The following WWOX variants were observed in gnomAD, a reference collection of about 807,000 sequenced individuals.
WWOX encodes WW domain-containing oxidoreductase.
Under a neutral mutation model 46.2 loss-of-function variants are expected in WWOX, and 69 were observed. That is an observed-to-expected ratio of 1.49 (90% confidence interval 1.23 to 1.82). WWOX has a LOEUF of 1.82. Among genes scored for constraint, WWOX ranks in the 40% most tolerant of loss-of-function variants. The pLI is 0.00. For missense variants in WWOX, 919 were observed against 542.6 expected (o/e 1.69, Z -6.89); for synonymous variants, 359 against 202.6 (o/e 1.77, Z -6.56).
intron 8 of WWOX, among the ~76,000 whole-genome samples, chr16:79,186,140 A>G (rs1378123848): frequency 6.6e-6 from 1 of 152,130 alleles, no homozygotes; most frequent in Non-Finnish European, 1.5e-5. Flanking sequence ...TTCCTAAAGG[A>G]TACATCCAGG....
intron 8 of WWOX, among the ~76,000 whole-genome samples, chr16:79,184,140 T>C (rs28515196): frequency 0.03 from 4,604 of 152,236 alleles, 209 homozygotes; most frequent in African/African-American, 0.1. Context: ...TCTGAATGGA[T>C]TGTAAATTAA....
intron 8 of WWOX, among the ~76,000 whole-genome samples, chr16:79,181,163 C>T (rs996525232): frequency 5.3e-5 from 8 of 152,172 alleles, no homozygotes; most frequent in African/African-American, 1.9e-4. Flanking sequence ...ATTATACATG[C>T]ACTATAGGAG....
intron 7 of WWOX, among the ~76,000 whole-genome samples, chr16:78,428,334 C>T (rs1191220333): frequency 2.0e-5 from 3 of 152,140 alleles, no homozygotes; most frequent in East Asian, 1.9e-4. Flanking sequence ...TTCAGGAAGC[C>T]GTTTCTGGCT....
chr16:78,234,675 C>T lies in WWOX; in HGVS notation c.516+70386C>T, dbSNP rs183102773. On this transcript the variant is annotated intron_variant, in intron 5 of 8. Coordinates refer to ENST00000566780, the MANE Select transcript of WWOX (RefSeq NM_016373.4). The stretch of plus-strand genomic sequence containing the variant: ...AATTCTTCCAAGTCAAAAGGTAACT[C>T]TCATTTTATTATGCATTGACCACCA... Among the ~76,000 whole-genome samples the T allele has an allele frequency of 2.2e-4, 33 of 152,222 alleles. No individual in the cohort carries two copies. The East Asian group carries it at 6.2e-3, about 28-fold the overall frequency.
intron 5 of WWOX, among the ~76,000 whole-genome samples, chr16:78,361,148 C>T (rs1012514596): frequency 1.3e-5 from 2 of 149,524 alleles, no homozygotes; most frequent in African/African-American, 5.1e-5. Flanking sequence ...TTGATAGTTG[C>T]TTACTTATTT....
intron 5 of WWOX, among the ~76,000 whole-genome samples, chr16:78,341,804 A>G (rs1381225841): frequency 8.3e-6 from 1 of 120,858 alleles, no homozygotes; most frequent in East Asian, 1.9e-4. Context: ...TTGCCTCTCC[A>G]CAATCTAGAG....
At chr16:78,799,668 C>G (rs1316208097) in intron 8 of WWOX, among the ~76,000 whole-genome samples, 1 of 152,148 alleles carries the variant, frequency 6.6e-6, no homozygotes, top group Non-Finnish European at 1.5e-5. Flanking sequence ...ACTTTGCATA[C>G]TGACCTTTCT....
chr16:78,508,087 A>G (rs928870979), intron 8 of WWOX, among the ~76,000 whole-genome samples: 1 of 151,644 alleles, frequency 6.6e-6, no homozygotes, highest in East Asian at 1.9e-4. Flanking sequence ...AGCTCACTGC[A>G]TCCTCTGCCT....
intron 8 of WWOX, among the ~76,000 whole-genome samples, chr16:78,464,306 AAG>A (rs541322696): frequency 2.6e-5 from 4 of 151,640 alleles, no homozygotes; most frequent in Admixed American, 1.3e-4. Flanking sequence ...GGGAGAAGGA[AAG>A]AGAGGAAAGA....
intron 8 of WWOX, among the ~76,000 whole-genome samples, chr16:78,910,665 A>C (rs2045086444): frequency 6.6e-6 from 1 of 151,974 alleles, no homozygotes; most frequent in Admixed American, 6.6e-5. Context: ...GAAGGCAAAC[A>C]AGGAGCAAAG....
rs5029727 is a variant in WWOX, at chr16:78,333,497, G to C, written c.517-53363G>C. ...TAGTTTAACTGGTAAAAAATATTTTGACAGAATTTAAGATTAGTTCTTTTT... is the reference window on the plus strand; with the variant it reads ...TAGTTTAACTGGTAAAAAATATTTTCACAGAATTTAAGATTAGTTCTTTTT... On this transcript the variant is annotated intron_variant, in intron 5 of 8. Transcript: ENST00000566780. Among the ~76,000 whole-genome samples the C allele has an allele frequency of 7.5e-3, 1,135 of 152,134 alleles. 40 individuals carry two copies. Among genetic ancestry groups the C allele is most frequent in the East Asian group, 0.06 (311 of 5,176 alleles).
intron 7 of WWOX, among the ~76,000 whole-genome samples, chr16:78,427,858 A>T (rs954033337): frequency 1.3e-5 from 2 of 152,118 alleles, no homozygotes; most frequent in Non-Finnish European, 2.9e-5. Context: ...CCCAGCACTC[A>T]AGAGTTCGAG....
intron 8 of WWOX, among the ~76,000 whole-genome samples, chr16:79,038,820 G>C (rs1469979519): frequency 2.0e-5 from 3 of 151,976 alleles, no homozygotes; most frequent in African/African-American, 7.3e-5. Context: ...AAAGTGCTGG[G>C]ATTACAAGCA....
At chr16:78,751,487 A>G (rs965025185) in intron 8 of WWOX, among the ~76,000 whole-genome samples, 8 of 144,732 alleles carry the variant, frequency 5.5e-5, no homozygotes, top group Non-Finnish European at 9.0e-5. Context: ...ATATATATAT[A>G]TGCATATGTT....
intron 4 of WWOX, among the ~76,000 whole-genome samples, chr16:78,149,480 A>G (rs1425730244): frequency 6.6e-6 from 1 of 152,212 alleles, no homozygotes; most frequent in African/African-American, 2.4e-5. Context: ...AACATTTGCC[A>G]ATGCATCACT....
At chr16:78,938,957 T>C (rs1289280661) in intron 8 of WWOX, among the ~76,000 whole-genome samples, 1 of 151,964 alleles carries the variant, frequency 6.6e-6, no homozygotes, top group Admixed American at 6.6e-5. Context: ...AATACAAAGG[T>C]AGAATATGAA....
chr16:78,404,396 C>T (rs1310225609), intron 6 of WWOX, among the ~76,000 whole-genome samples: 4 of 152,048 alleles, frequency 2.6e-5, no homozygotes, highest in Non-Finnish European at 5.9e-5. Flanking sequence ...GTTTGGGGCC[C>T]ATTATTATGA....
intron 5 of WWOX, among the ~76,000 whole-genome samples, chr16:78,315,068 C>T (rs946898103): frequency 1.3e-5 from 2 of 152,202 alleles, no homozygotes; most frequent in African/African-American, 4.8e-5. Flanking sequence ...AATCATCTAT[C>T]ATCTAGCTAT....
At position 78,984,069 on chromosome 16, in the gene WWOX, A is replaced by T. The variant is rs142054618; in HGVS notation, c.1057-227539A>T. On this transcript the variant is annotated intron_variant, in intron 8 of 8. Transcript: ENST00000566780. The stretch of plus-strand genomic sequence containing the variant: ...TTTTTTTTGTATTTTTAGTAGAGAC[A>T]GGGTTTCACTGTCTTAGCCAGGATG... 3.3e-5 allele frequency among the ~76,000 whole-genome samples: 5 copies of T among 151,732 alleles called. No individual in the cohort carries two copies. The East Asian group carries it at 9.7e-4, about 30-fold the overall frequency.
Sources: gnomAD v4.1 joint callset for allele counts (sites outside exome capture counted in the v4.1 genomes callset) on GRCh38, gnomAD v4.1.1 for gene constraint, MANE v1.5 for transcripts, NCBI Gene and HGNC (gene_info 2026-07-23, HGNC 2026-07-21) for gene names.